MAGI2: variants seen among roughly 807,000 people sequenced by gnomAD.
The protein encoded by MAGI2 is membrane-associated guanylate kinase, WW and PDZ domain-containing protein 2.
A neutral mutation model predicts 133.3 loss-of-function variants in MAGI2; 35 were observed. The ratio of observed to expected loss-of-function variants is 0.26; its 90% confidence interval spans 0.20 to 0.35. The LOEUF (loss-of-function observed/expected upper bound fraction) is 0.35, where lower values mean the gene tolerates loss of function less well. MAGI2 is among the 10% of genes least tolerant of loss of function. The pLI is 1.00. For synonymous variants in MAGI2, 729 were observed against 710.6 expected (o/e 1.03, Z -0.41); for missense variants, 1,636 against 1,863.4 (o/e 0.88, Z 2.25).
chr7:78,812,469 T>C (rs1242207417), intron 2 of MAGI2, among the ~76,000 whole-genome samples: 1 of 152,158 alleles, frequency 6.6e-6, no homozygotes, highest in Admixed American at 6.5e-5. Context: ...AGCAGGTATC[T>C]CTTGAAATAA....
intron 6 of MAGI2, among the ~76,000 whole-genome samples, chr7:78,441,151 T>C (rs1787583734): frequency 6.6e-6 from 1 of 152,194 alleles, no homozygotes; most frequent in South Asian, 2.1e-4. Flanking sequence ...ACATTCAAGA[T>C]CCTGCACAAT....
chr7:78,884,345 G>A (rs1563621682), intron 2 of MAGI2, among the ~76,000 whole-genome samples: 1 of 152,048 alleles, frequency 6.6e-6, no homozygotes, highest in Non-Finnish European at 1.5e-5. Flanking sequence ...TTAGCCAAGT[G>A]TGCTGGCACA....
chr7:78,363,495 A>AAATAATAATAATAATGATAATAATAAT (rs1554367010), intron 7 of MAGI2, among the ~76,000 whole-genome samples: 1 of 122,366 alleles, frequency 8.2e-6, no homozygotes, highest in Admixed American at 8.3e-5. Flanking sequence ...TCCATCTCGA[A>AAATAATAATAATAATGATAATAATAAT]AATAATAATA....
At chr7:78,736,608 A>C (rs918571921) in intron 2 of MAGI2, among the ~76,000 whole-genome samples, 11 of 152,152 alleles carry the variant, frequency 7.2e-5, no homozygotes, top group Non-Finnish European at 2.9e-5. Flanking sequence ...GGTCAAAATC[A>C]ATTTCATAAT....
At chr7:78,397,511 TG>T (rs1796464119) in intron 6 of MAGI2, among the ~76,000 whole-genome samples, 1 of 151,996 alleles carries the variant, frequency 6.6e-6, no homozygotes, top group South Asian at 2.1e-4. Context: ...GTTGCATATC[TG>T]GGTTGGCCTG....
Position 78,501,581 on chromosome 7 carries a change from T to C in MAGI2, c.961A>G (p.Ile321Val), listed in dbSNP as rs1463778197. ...AYTEKGEVYFIDHNTKTTSWL... is the reference protein window; with the variant it reads ...AYTEKGEVYFVDHNTKTTSWL... ...AAAGAAATGTGTGAAACTCACTCAA[T>C]GAAGTAGACTTCGCCCTTCTCTGTA... Residue 321 changes from isoleucine to valine, a missense_variant, in exon 5 of 22, where the codon ATT becomes GTT. This residue lies in a region of MAGI2 where 920 missense variants were observed against 1,093.5 expected (regional missense o/e 0.84). Coordinates refer to ENST00000354212, the MANE Select transcript of MAGI2 (RefSeq NM_012301.4). 1.2e-6 allele frequency: 2 copies of C among 1,613,248 alleles called. No individual in the cohort carries two copies. Among genetic ancestry groups the C allele is most frequent in the Admixed American group, 1.7e-5 (1 of 59,900 alleles).
At chr7:78,738,949 A>G (rs906955875) in intron 2 of MAGI2, among the ~76,000 whole-genome samples, 2 of 152,242 alleles carry the variant, frequency 1.3e-5, no homozygotes, top group Non-Finnish European at 2.9e-5. Flanking sequence ...TACAGCTCAA[A>G]GCAAGAATAA....
intron 9 of MAGI2, among the ~76,000 whole-genome samples, chr7:78,314,116 A>C (rs778792669): frequency 6.6e-6 from 1 of 152,148 alleles, no homozygotes; most frequent in Non-Finnish European, 1.5e-5. Context: ...AGATAGATTG[A>C]TTTTATAAGT....
At chr7:78,252,264 A>C (rs1315120754) in intron 10 of MAGI2, 2 of 152,180 alleles carry the variant, frequency 1.3e-5, no homozygotes, top group African/African-American at 4.8e-5. Flanking sequence ...CTCTGGTTTC[A>C]AGACTTAATA....
At chr7:78,940,427 T>C (rs972978304) in intron 2 of MAGI2, 2 of 152,096 alleles carry the variant, frequency 1.3e-5, no homozygotes, top group Non-Finnish European at 2.9e-5. Context: ...ACTTTAGAGA[T>C]TGAGTGATTT....
At chr7:78,780,372 T>A (rs1428822314) in intron 2 of MAGI2, among the ~76,000 whole-genome samples, 1 of 152,216 alleles carries the variant, frequency 6.6e-6, no homozygotes, top group East Asian at 1.9e-4. Context: ...TGTACCTGAA[T>A]TTATAATGCC....
intron 1 of MAGI2, among the ~76,000 whole-genome samples, chr7:79,077,502 C>A (rs1490856177): frequency 1.7e-4 from 25 of 144,434 alleles, no homozygotes; most frequent in Non-Finnish European, 2.5e-4. Flanking sequence ...GTGAACCTGG[C>A]CGGTGGAGCT....
At chr7:78,524,564 T>C (rs1796789958) in intron 3 of MAGI2, among the ~76,000 whole-genome samples, 1 of 152,136 alleles carries the variant, frequency 6.6e-6, no homozygotes, top group Admixed American at 6.6e-5. Flanking sequence ...ATACTGTAAG[T>C]ATATAACTTT....
At chr7:78,733,648 C>A (rs577250746) in intron 2 of MAGI2, among the ~76,000 whole-genome samples, 1 of 152,236 alleles carries the variant, frequency 6.6e-6, no homozygotes, top group Non-Finnish European at 1.5e-5. Context: ...ACAGCATTTA[C>A]ATTCTAGTAA....
intron 2 of MAGI2, among the ~76,000 whole-genome samples, chr7:78,709,676 G>C (rs182427696): frequency 3.8e-4 from 58 of 152,322 alleles, no homozygotes; most frequent in African/African-American, 1.2e-3. Flanking sequence ...AGGCCCTGAA[G>C]ATGGCTTGCC....
chr7:79,341,773 G>A (rs1258238853), intron 1 of MAGI2, among the ~76,000 whole-genome samples: 2 of 152,132 alleles, frequency 1.3e-5, no homozygotes, highest in South Asian at 2.1e-4. Context: ...AGTTCTAACA[G>A]GTTGAAATCT....
intron 2 of MAGI2, among the ~76,000 whole-genome samples, chr7:78,764,148 A>C (rs1824781351): frequency 6.6e-6 from 1 of 152,232 alleles, no homozygotes; most frequent in Non-Finnish European, 1.5e-5. Context: ...ACTGTAATGA[A>C]ATGGAAATTC....
chr7:78,986,616 G>T (rs989304224), intron 2 of MAGI2, among the ~76,000 whole-genome samples: 3 of 151,812 alleles, frequency 2.0e-5, no homozygotes, highest in South Asian at 2.1e-4. Flanking sequence ...CAACCTCCTG[G>T]CTTCAAGTGA....
chr7:79,172,931 G>A (rs1257816450), intron 1 of MAGI2: 1 of 151,814 alleles, frequency 6.6e-6, no homozygotes, highest in East Asian at 1.9e-4. Context: ...TATATTTCAG[G>A]GTTATTTCAA....
Sources: gnomAD v4.1 joint callset for allele counts (sites outside exome capture counted in the v4.1 genomes callset) on GRCh38, gnomAD v4.1.1 for gene constraint, gnomAD v4.1.1 regional missense constraint, MANE v1.5 for transcripts, NCBI Gene and HGNC (gene_info 2026-07-23, HGNC 2026-07-21) for gene names.